MYO1D: variants seen among roughly 807,000 people sequenced by gnomAD.
MYO1D encodes myosin ID.
MYO1D carries 83 observed loss-of-function variants against 122.0 expected under a neutral mutation model. The observed-to-expected ratio is 0.68, with a 90% confidence interval of 0.57 to 0.82. The LOEUF is 0.82. MYO1D is among the 40% of genes least tolerant of loss of function. The probability of loss-of-function intolerance (pLI) is 0.00; values close to 1 mark genes in which losing one functional copy is unlikely to be tolerated. For missense variants in MYO1D, 1,157 were observed against 1,269.5 expected (o/e 0.91, Z 1.35); for synonymous variants, 464 against 446.9 (o/e 1.04, Z -0.48).
Position 32,738,315 on chromosome 17 carries a change from G to A in MYO1D, c.1684C>T (p.Leu562=). The A allele has an allele frequency of 6.2e-7, 1 of 1,611,146 alleles. No homozygotes were observed. Among genetic ancestry groups the A allele is most frequent in the South Asian group, 1.1e-5 (1 of 90,028 alleles). ...LSITEVTKRP[L]TAATLFKNSM... ...TTCTTAAACAAGGTAGCAGCAGTCA[G>A]AGGTCGCTTGGTCACCTCTGTAATG... is the stretch of plus-strand genomic sequence containing the variant. The change falls in exon 14 of 22, where the codon CTG becomes TTG. Residue 562 remains leucine (L), a synonymous_variant. Coordinates refer to ENST00000318217, the MANE Select transcript of MYO1D (RefSeq NM_015194.3).
At chr17:32,853,097 T>A (rs1317987587) in intron 1 of MYO1D, among the ~76,000 whole-genome samples, 3 of 152,204 alleles carry the variant, frequency 2.0e-5, no homozygotes, top group Non-Finnish European at 4.4e-5. Context: ...TCTTTCCTCT[T>A]GCATCTCTAC....
chr17:32,809,499 C>T lies in MYO1D; in HGVS notation c.96-28715G>A, dbSNP rs139430200. ...TGTTGCCCAGGCTGGAGGGCAGTGG[C>T]GTGTTCTTGGCTCACTGCAGCCTCC... On this transcript the variant is annotated intron_variant, in intron 1 of 21. Transcript: ENST00000318217. 6.2e-5 allele frequency among the ~76,000 whole-genome samples: 9 copies of T among 145,654 alleles called. No homozygotes were observed. The East Asian group carries it at 1.6e-3, about 26-fold the overall frequency.
chr17:32,736,652 G>A (rs746966257), intron 14 of MYO1D, among the ~76,000 whole-genome samples: 2 of 152,200 alleles, frequency 1.3e-5, no homozygotes, highest in African/African-American at 4.8e-5. Flanking sequence ...ATTATAGAAG[G>A]TTCTGGAATT....
chr17:32,868,168 G>A (rs1270634974), intron 1 of MYO1D, among the ~76,000 whole-genome samples: 2 of 152,170 alleles, frequency 1.3e-5, no homozygotes, highest in Admixed American at 1.3e-4. Flanking sequence ...GAATAGCAAG[G>A]GCATTTTTGG....
At chr17:32,834,167 A>T (rs556602354) in intron 1 of MYO1D, among the ~76,000 whole-genome samples, 4 of 152,332 alleles carry the variant, frequency 2.6e-5, no homozygotes, top group African/African-American at 9.6e-5. Flanking sequence ...ATAATACCTG[A>T]TAATATGTTT....
intron 19 of MYO1D, among the ~76,000 whole-genome samples, chr17:32,647,269 C>G (rs2088308226): frequency 6.6e-6 from 1 of 152,202 alleles, no homozygotes; most frequent in Non-Finnish European, 1.5e-5. Flanking sequence ...AGAATCTAAG[C>G]ATAAAGAAGA....
intron 1 of MYO1D, among the ~76,000 whole-genome samples, chr17:32,858,125 A>G (rs2091042288): frequency 6.6e-6 from 1 of 152,226 alleles, no homozygotes; most frequent in Non-Finnish European, 1.5e-5. Context: ...CACATAGACC[A>G]ATATTCCAGA....
At chr17:32,649,018 A>G (rs1284299151) in intron 19 of MYO1D, among the ~76,000 whole-genome samples, 3 of 152,172 alleles carry the variant, frequency 2.0e-5, no homozygotes, top group Non-Finnish European at 4.4e-5. Context: ...TACTGACATT[A>G]TATCACTTTA....
chr17:32,862,501 T>G (rs2091086134), intron 1 of MYO1D, among the ~76,000 whole-genome samples: 3 of 152,142 alleles, frequency 2.0e-5, no homozygotes, highest in African/African-American at 4.8e-5. Context: ...GATGCCAAAG[T>G]TTTGAATATG....
intron 1 of MYO1D, among the ~76,000 whole-genome samples, chr17:32,839,304 G>A (rs1351709722): frequency 6.6e-6 from 1 of 152,150 alleles, no homozygotes; most frequent in Admixed American, 6.5e-5. Flanking sequence ...ATTTTTCCAA[G>A]AGCCAAGAAG....
chr17:32,644,215 G>A (rs1004482842), intron 19 of MYO1D, among the ~76,000 whole-genome samples: 14 of 152,136 alleles, frequency 9.2e-5, no homozygotes, highest in Non-Finnish European at 1.8e-4. Context: ...TTTCCATGTA[G>A]TTGAGCAGTT....
intron 1 of MYO1D, among the ~76,000 whole-genome samples, chr17:32,859,733 C>A (rs994216002): frequency 1.3e-5 from 2 of 152,178 alleles, no homozygotes; most frequent in Non-Finnish European, 2.9e-5. Flanking sequence ...GTTTCAAGTA[C>A]CCTCAACATA....
At chr17:32,645,083 C>T (rs1314508112) in intron 19 of MYO1D, among the ~76,000 whole-genome samples, 2 of 152,168 alleles carry the variant, frequency 1.3e-5, no homozygotes, top group Non-Finnish European at 2.9e-5. Flanking sequence ...GTGCTTCCTT[C>T]AGGAGCTCTT....
chr17:32,765,855 G>A (rs1029156637), intron 7 of MYO1D, among the ~76,000 whole-genome samples: 1 of 151,920 alleles, frequency 6.6e-6, no homozygotes, highest in African/African-American at 2.4e-5. Flanking sequence ...TTGCTCTAAC[G>A]GGACTTATTG....
At chr17:32,502,801 A>G (rs1473147883) in intron 21 of MYO1D, among the ~76,000 whole-genome samples, 1 of 152,212 alleles carries the variant, frequency 6.6e-6, no homozygotes, top group Non-Finnish European at 1.5e-5. Context: ...AACTAGAGCC[A>G]GAATTCTTTC....
intron 16 of MYO1D, among the ~76,000 whole-genome samples, chr17:32,686,988 CA>C (rs1291082046): frequency 1.3e-5 from 2 of 150,576 alleles, no homozygotes; most frequent in African/African-American, 4.9e-5. Context: ...CACACACACA[CA>C]CACACACACA....
chr17:32,876,785 T>C lies in MYO1D; in HGVS notation c.88A>G (p.Arg30Gly). The C allele has an allele frequency of 6.6e-7, 1 of 1,512,366 alleles. No individual in the cohort carries two copies. The highest frequency in any genetic ancestry group is 8.8e-7 in the Non-Finnish European group (1 of 1,130,274). 93.7% of individuals were successfully genotyped at this position (1,512,366 alleles called of 1,614,324 possible). A position where few individuals can be genotyped will look rare whatever the true frequency, so the allele number is the denominator to read the frequency against. Residue 30 changes from arginine to glycine, a missense_variant, in exon 1 of 22, where the codon AGG (arginine) becomes GGG (glycine). Physicochemically the swap from Arg to Gly is moderately radical, Grantham distance 125 (BLOSUM62 -2). Coordinates refer to ENST00000318217, the MANE Select transcript of MYO1D (RefSeq NM_015194.3). ...VSMPEFMANL[R>G]LRFEKGRIYT... The stretch of plus-strand genomic sequence containing the variant: ...CGGCCGCTCCGCCCTCACCTGAGCC[T>C]GAGGTTGGCCATGAACTCGGGCATG...
chr17:32,835,275 C>G lies in MYO1D; in HGVS notation c.95+41503G>C, dbSNP rs144103821. Among the ~76,000 whole-genome samples the G allele has an allele frequency of 1.1e-3, 165 of 151,940 alleles. 2 individuals carry two copies. The highest frequency in any genetic ancestry group is 2.6e-3 in the Admixed American group (40 of 15,242). On this transcript the variant is annotated intron_variant, in intron 1 of 21. Coordinates refer to ENST00000318217, the MANE Select transcript of MYO1D (RefSeq NM_015194.3). ...ATTCAATACTCAACTAAAATGTTAC[C>G]CCTTCTGTGAAGCTCTCTCCTATTC... is the stretch of plus-strand genomic sequence containing the variant.
chr17:32,653,236 C>G (rs1474161560), intron 19 of MYO1D, among the ~76,000 whole-genome samples: 1 of 151,290 alleles, frequency 6.6e-6, no homozygotes, highest in Non-Finnish European at 1.5e-5. Flanking sequence ...ATGAAAGATA[C>G]ACATGCAGTG....
Sources: gnomAD v4.1 joint callset for allele counts (sites outside exome capture counted in the v4.1 genomes callset) on GRCh38, gnomAD v4.1.1 for gene constraint, MANE v1.5 for transcripts, NCBI Gene and HGNC (gene_info 2026-07-23, HGNC 2026-07-21) for gene names.